ANK3: variants seen among roughly 807,000 people sequenced by gnomAD.
ANK3 encodes the protein ankyrin 3, also known as ankyrin-3.
In ANK3, 57 loss-of-function variants were observed where a neutral mutation model predicts 370.9. That is an observed-to-expected ratio of 0.15 (90% CI 0.12 to 0.19). The LOEUF (loss-of-function observed/expected upper bound fraction) is 0.19, where lower values mean the gene tolerates loss of function less well. ANK3 is among the 10% of genes least tolerant of loss of function. The pLI, the probability that ANK3 is intolerant of heterozygous loss-of-function variation, is 1.00. For synonymous variants in ANK3, 1,929 were observed against 1,946.3 expected (o/e 0.99, Z 0.23); for missense variants, 4,439 against 5,302.1 (o/e 0.84, Z 5.06).
At chr10:60,078,879 A>C (rs2084437345) in intron 36 of ANK3, among the ~76,000 whole-genome samples, 1 of 152,202 alleles carries the variant, frequency 6.6e-6, no homozygotes, top group South Asian at 2.1e-4. Flanking sequence ...CTCTTCTACC[A>C]AAAGTCCAGG....
intron 1 of ANK3, among the ~76,000 whole-genome samples, chr10:60,698,082 G>A (rs1440072954): frequency 7.9e-5 from 12 of 152,012 alleles, no homozygotes; most frequent in Non-Finnish European, 1.5e-4. Context: ...CCATCAAAAA[G>A]TGGGCGAAGG....
In ANK3 at chr10:60,080,595, C is replaced by T. The variant is rs1164693456; in HGVS notation, c.4374G>A (p.Gln1458=). The change falls in exon 36 of 44, where the codon CAG becomes CAA. Residue 1458 remains glutamine, a synonymous_variant. Transcript: ENST00000280772. ...DDEIEKTDRR[Q]SFASLALRKR... is the part of the protein sequence containing the mutation. ...TACGTAAAGCTAAGGATGCGAAGCT[C>T]TGTCGTCTATCTGTTTTCTCAATCT... The T allele has an allele frequency of 6.2e-7, 1 of 1,600,958 alleles. No individual in the cohort carries two copies. The highest frequency in any genetic ancestry group is 1.4e-5 in the African/African-American group (1 of 73,980).
At chr10:60,317,742 C>T (rs2047751513) in intron 1 of ANK3, among the ~76,000 whole-genome samples, 2 of 134,872 alleles carry the variant, frequency 1.5e-5, no homozygotes, top group Admixed American at 1.7e-4. Context: ...GAGACGGAGT[C>T]TCGCTCTGTC....
chr10:60,214,037 T>C (rs371610375), intron 8 of ANK3, among the ~76,000 whole-genome samples: 9 of 152,236 alleles, frequency 5.9e-5, no homozygotes, highest in African/African-American at 2.2e-4. Context: ...CCTCTAAGTG[T>C]AAAAAACAAA....
chr10:60,294,616 C>CA (rs2042121781), intron 1 of ANK3, among the ~76,000 whole-genome samples: 1 of 152,038 alleles, frequency 6.6e-6, no homozygotes, highest in African/African-American at 2.4e-5. Context: ...CTGTAATCAA[C>CA]AAAGGGATTT....
rs748059914 is a variant in ANK3 at position 60,055,941 on chromosome 10, G to A, written c.12782C>T (p.Ala4261Val). ...TTCTGGAAAGTAAGATTTTGTCTTT[G>A]CTTCTGGAGTGATTTCTGTATGGCT... ...NGSHTEITPE[A>V]KTKSYFPESQ... is the part of the protein sequence containing the mutation. Residue 4261 changes from alanine to valine, a missense_variant, in exon 42 of 44, where the codon GCA becomes GTA. Ala to Val is a moderately conservative substitution (Grantham distance 64). This residue lies in a region of ANK3 where 242 missense variants were observed against 228.0 expected (regional missense o/e 1.06). Coordinates refer to ENST00000280772, the MANE Select transcript of ANK3 (RefSeq NM_020987.5). 1 of 1,613,960 alleles carries A rather than the reference G, an allele frequency of 6.2e-7. No individual in the cohort carries two copies. The highest frequency in any genetic ancestry group is 1.3e-5 in the African/African-American group (1 of 74,918).
chr10:60,489,956 AG>A (rs766766681), intron 2 of ANK3, among the ~76,000 whole-genome samples: 1 of 152,174 alleles, frequency 6.6e-6, no homozygotes, highest in South Asian at 2.1e-4. Flanking sequence ...TAACAAACTA[AG>A]GTGACCTTAA....
chr10:60,182,556 C>G (rs1278922443), intron 17 of ANK3, among the ~76,000 whole-genome samples: 1 of 152,164 alleles, frequency 6.6e-6, no homozygotes, highest in Non-Finnish European at 1.5e-5. Context: ...AAGTTAATAT[C>G]TTAATCCTGG....
At chr10:60,422,067 G>A (rs2063789711) in intron 2 of ANK3, among the ~76,000 whole-genome samples, 1 of 152,098 alleles carries the variant, frequency 6.6e-6, no homozygotes, top group Admixed American at 6.6e-5. Flanking sequence ...CATGGCTTGA[G>A]TTTTAGTGAT....
intron 42 of ANK3, chr10:60,053,836 A>G: frequency 1.2e-6 from 1 of 866,978 alleles, no homozygotes; most frequent in African/African-American, 1.8e-5. Flanking sequence ...CATCCTAAAC[A>G]TCTTTGGTTT....
chr10:60,681,891 C>T (rs1415731255), intron 1 of ANK3, among the ~76,000 whole-genome samples: 1 of 152,148 alleles, frequency 6.6e-6, no homozygotes, highest in Non-Finnish European at 1.5e-5. Flanking sequence ...GTGGCTCACG[C>T]CTGTAATCCC....
At chr10:60,496,357 G>A (rs1279106548) in intron 2 of ANK3, among the ~76,000 whole-genome samples, 1 of 152,164 alleles carries the variant, frequency 6.6e-6, no homozygotes, top group Admixed American at 6.5e-5. Flanking sequence ...CATGATGACA[G>A]AATTGTGAAT....
intron 23 of ANK3, among the ~76,000 whole-genome samples, chr10:60,158,964 C>T (rs1392228952): frequency 6.6e-6 from 1 of 151,876 alleles, no homozygotes; most frequent in Non-Finnish European, 1.5e-5. Flanking sequence ...GCATGAGCCA[C>T]CGTGCCCAGC....
intron 8 of ANK3, among the ~76,000 whole-genome samples, chr10:60,219,954 A>G (rs2097013996): frequency 6.6e-6 from 1 of 152,228 alleles, no homozygotes; most frequent in Admixed American, 6.5e-5. Context: ...GCACGTTTAT[A>G]TCTTCTGCCT....
In ANK3 at chr10:60,205,867, A is replaced by T. The variant is rs2297979; in HGVS notation, c.1218T>A (p.Ile406=). Residue 406 remains isoleucine (I), a synonymous_variant, in exon 11 of 44, where the codon ATT becomes ATA. Coordinates refer to ENST00000280772, the MANE Select transcript of ANK3 (RefSeq NM_020987.5). ...KALNGFTPLH[I]ACKKNRIKVM... ...CTTTAATTCGATTCTTCTTGCAGGC[A>T]ATATGAAGAGGGGTAAAGCCATTCT... 1.2e-6 allele frequency: 2 copies of T among 1,613,156 alleles called. No homozygotes were observed. Among genetic ancestry groups the T allele is most frequent in the Non-Finnish European group, 8.5e-7 (1 of 1,179,190 alleles).
At chr10:60,617,696 CA>C (rs2078283992) in intron 1 of ANK3, among the ~76,000 whole-genome samples, 1 of 152,158 alleles carries the variant, frequency 6.6e-6, no homozygotes, top group Non-Finnish European at 1.5e-5. Context: ...CTTTATAGAG[CA>C]CACAACATTT....
rs574580764 is a variant in ANK3 at position 60,367,269 on chromosome 10, A to G, written c.114+22156T>C. On this transcript the variant is annotated intron_variant, in intron 1 of 43. Coordinates refer to ENST00000280772, the MANE Select transcript of ANK3 (RefSeq NM_020987.5). ...CTGACGGAAGACTTGCTCCTAAAAG[A>G]GTTTGTTTAAATTTTTCATCAGACT... Among the ~76,000 whole-genome samples, 14 of 152,316 alleles carry G rather than the reference A, an allele frequency of 9.2e-5. 1 individual carries two copies. The South Asian group carries it at 2.9e-3, about 32-fold the overall frequency.
intron 8 of ANK3, among the ~76,000 whole-genome samples, chr10:60,217,988 C>T (rs1165387315): frequency 1.3e-5 from 2 of 151,892 alleles, no homozygotes; most frequent in African/African-American, 4.8e-5. Flanking sequence ...TGTTGAATTG[C>T]TCCCTTTACC....
At chr10:60,173,751 C>A (rs192801042) in intron 18 of ANK3, among the ~76,000 whole-genome samples, 1 of 152,238 alleles carries the variant, frequency 6.6e-6, no homozygotes, top group East Asian at 1.9e-4. Flanking sequence ...AGTCTTTTGC[C>A]TTCCTACCTA....
Sources: gnomAD v4.1 joint callset for allele counts (sites outside exome capture counted in the v4.1 genomes callset) on GRCh38, gnomAD v4.1.1 for gene constraint, gnomAD v4.1.1 regional missense constraint, MANE v1.5 for transcripts, NCBI Gene and HGNC (gene_info 2026-07-23, HGNC 2026-07-21) for gene names.